The following HECW2 variants were observed in gnomAD, a reference collection of about 807,000 sequenced individuals.
The protein encoded by HECW2 is HECT, C2 and WW domain containing E3 ubiquitin protein ligase 2.
HECW2 carries 61 observed loss-of-function variants against 175.2 expected under a neutral mutation model. The ratio of observed to expected loss-of-function variants is 0.35; its 90% CI spans 0.28 to 0.43. The LOEUF is 0.43. HECW2 is among the 20% of genes least tolerant of loss of function. HECW2 has a pLI of 1.00. For synonymous variants in HECW2, 671 were observed against 731.0 expected (o/e 0.92, Z 1.32); for missense variants, 1,524 against 2,000.5 (o/e 0.76, Z 4.54).
In HECW2 at chr2:196,319,118, C is replaced by T. The variant is rs1427643667; in HGVS notation, c.1772G>A (p.Ser591Asn). Reference protein sequence around the residue: ...DTGTSDASGGSRRAVSETESL... With the variant: ...DTGTSDASGGNRRAVSETESL... Reference sequence around the variant, plus strand: ...CTCGGTCTCACTGACGGCTCTTCGGCTTCCTCCTGATGCATCGGAAGTCCC... The same window carrying T: ...CTCGGTCTCACTGACGGCTCTTCGGTTTCCTCCTGATGCATCGGAAGTCCC... Residue 591 changes from serine to asparagine, a missense_variant, in exon 9 of 29, where the codon AGC becomes AAC. By Grantham distance (46) the Ser-to-Asn change is conservative. Around this residue, in one of 11 missense-constraint regions of HECW2, gnomAD observed 604 missense variants for 588.3 expected, o/e 1.03. Transcript: ENST00000644978. The T allele has an allele frequency of 5.6e-6, 9 of 1,593,726 alleles. No individual in the cohort carries two copies. The highest frequency in any genetic ancestry group is 7.7e-6 in the Non-Finnish European group (9 of 1,170,074).
chr2:196,278,416 A>AC (rs1690058983), intron 15 of HECW2, 112 bp downstream of exon 15: 1 of 247,702 alleles, frequency 4.0e-6, no homozygotes, highest in Admixed American at 6.7e-5. Flanking sequence ...AATCAAACTC[A>AC]AAAAAAAAAA....
intron 15 of HECW2, among the ~76,000 whole-genome samples, chr2:196,275,525 G>A (rs1433418312): frequency 4.6e-5 from 7 of 152,114 alleles, no homozygotes; most frequent in Non-Finnish European, 1.0e-4. Context: ...TGGCCAAGGC[G>A]GGCGGATTAC....
chr2:196,480,381 G>A (rs1259047478), intron 1 of HECW2, among the ~76,000 whole-genome samples: 1 of 152,180 alleles, frequency 6.6e-6, no homozygotes, highest in Non-Finnish European at 1.5e-5. Context: ...GAGACAACCT[G>A]ACTTCTATTT....
At chr2:196,270,125 T>C (rs1040840285) in intron 17 of HECW2, among the ~76,000 whole-genome samples, 1 of 152,182 alleles carries the variant, frequency 6.6e-6, no homozygotes, top group Non-Finnish European at 1.5e-5. Flanking sequence ...CCAGTAAAGG[T>C]GACAACTGGA....
chr2:196,439,255 G>A (rs192422544), intron 1 of HECW2, among the ~76,000 whole-genome samples: 17 of 152,266 alleles, frequency 1.1e-4, no homozygotes, highest in Admixed American at 5.2e-4. Flanking sequence ...TTAGTCTAGG[G>A]TAACTATTTA....
chr2:196,372,194 C>A (rs1693926363), intron 2 of HECW2, among the ~76,000 whole-genome samples: 1 of 152,194 alleles, frequency 6.6e-6, no homozygotes, highest in Admixed American at 6.5e-5. Flanking sequence ...TATCAACTAT[C>A]TAATGATTTT....
intron 7 of HECW2, 46 bp downstream of exon 7, chr2:196,322,432 A>C (rs374470729): frequency 6.5e-7 from 1 of 1,547,492 alleles, no homozygotes; most frequent in Admixed American, 2.0e-5. Context: ...ATTTTTTCCT[A>C]TATGAACTAA....
At chr2:196,589,551 C>T (rs1212802177) in intron 1 of HECW2, among the ~76,000 whole-genome samples, 1 of 152,182 alleles carries the variant, frequency 6.6e-6, no homozygotes, top group Non-Finnish European at 1.5e-5. Flanking sequence ...AGACCCAAAC[C>T]AAACACTGGA....
chr2:196,459,587 C>T (rs980268762), intron 1 of HECW2, among the ~76,000 whole-genome samples: 3 of 152,056 alleles, frequency 2.0e-5, no homozygotes, highest in African/African-American at 7.3e-5. Context: ...CCCTCCATAA[C>T]CAACATTAGG....
intron 2 of HECW2, among the ~76,000 whole-genome samples, chr2:196,420,805 G>A (rs1200400400): frequency 6.6e-6 from 1 of 151,786 alleles, no homozygotes; most frequent in Non-Finnish European, 1.5e-5. Context: ...CAGCCATTAT[G>A]TTATGGAGGT....
At chr2:196,477,545 G>C (rs988033944) in intron 1 of HECW2, among the ~76,000 whole-genome samples, 3 of 152,174 alleles carry the variant, frequency 2.0e-5, no homozygotes, top group Non-Finnish European at 4.4e-5. Context: ...ATTTTCAATA[G>C]AGCCATAATT....
chr2:196,560,941 A>G (rs1267847977), intron 1 of HECW2, among the ~76,000 whole-genome samples: 1 of 152,150 alleles, frequency 6.6e-6, no homozygotes, highest in Non-Finnish European at 1.5e-5. Flanking sequence ...TAACTGCCCA[A>G]ATTGTTTGTA....
Position 196,307,185 on chromosome 2 carries a change from A to G in HECW2, c.2634T>C (p.Asn878=). Residue 878 remains asparagine (N), a synonymous_variant, in exon 12 of 29, where the codon AAT becomes AAC. Coordinates refer to ENST00000644978, the MANE Select transcript of HECW2 (RefSeq NM_001348768.2). The part of the protein sequence containing the change: ...RTMTNERPEE[N]TNAIDGAGEE... ...CCCCTGCCCCATCAATAGCATTGGTATTTTCCTCAGGCCTCTCATTGGTCA... is the reference window on the plus strand; with the variant it reads ...CCCCTGCCCCATCAATAGCATTGGTGTTTTCCTCAGGCCTCTCATTGGTCA... The G allele has an allele frequency of 6.2e-7, 1 of 1,613,918 alleles. No individual in the cohort carries two copies.
chr2:196,332,553 T>A (rs188048685), intron 4 of HECW2, among the ~76,000 whole-genome samples: 1 of 152,200 alleles, frequency 6.6e-6, no homozygotes, highest in South Asian at 2.1e-4. Flanking sequence ...CTCCAAACTA[T>A]CCACAGGCTT....
chr2:196,555,843 G>C (rs2125491694), intron 1 of HECW2, among the ~76,000 whole-genome samples: 1 of 152,318 alleles, frequency 6.6e-6, no homozygotes, highest in Non-Finnish European at 1.5e-5. Flanking sequence ...ACAAGGTCTA[G>C]CTTCAAAACT....
At position 196,315,090 on chromosome 2, in the gene HECW2, C is replaced by T. The variant is rs145140993; in HGVS notation, c.2434+2184G>A. On this transcript the variant is annotated intron_variant, in intron 10 of 28. Transcript: ENST00000644978. ...GCTCAGATCACAATCCAAAACCTATCCATGAGAATACACATCCCCAGATTT... is the reference window on the plus strand; with the variant it reads ...GCTCAGATCACAATCCAAAACCTATTCATGAGAATACACATCCCCAGATTT... Among the ~76,000 whole-genome samples, 885 of 151,922 alleles carry T rather than the reference C, an allele frequency of 5.8e-3. 9 individuals are homozygous for T. Among genetic ancestry groups the T allele is most frequent in the Middle Eastern group, 0.02 (6 of 294 alleles).
chr2:196,270,427 T>C (rs1334923770), intron 17 of HECW2, among the ~76,000 whole-genome samples: 4 of 152,218 alleles, frequency 2.6e-5, no homozygotes, highest in African/African-American at 9.6e-5. Context: ...AGAGGGCTCA[T>C]GCAAGGTGAG....
chr2:196,357,237 A>G (rs569244039), intron 2 of HECW2, among the ~76,000 whole-genome samples: 3 of 151,624 alleles, frequency 2.0e-5, no homozygotes, highest in African/African-American at 7.3e-5. Flanking sequence ...CTGTGCAGAC[A>G]GAGCTATAGC....
intron 1 of HECW2, among the ~76,000 whole-genome samples, chr2:196,512,059 G>A (rs913502346): frequency 6.6e-5 from 10 of 152,210 alleles, no homozygotes; most frequent in African/African-American, 2.4e-4. Context: ...TTGCCCACAA[G>A]GCCGAGCAGG....
Sources: gnomAD v4.1 joint callset for allele counts (sites outside exome capture counted in the v4.1 genomes callset) on GRCh38, gnomAD v4.1.1 for gene constraint, gnomAD v4.1.1 regional missense constraint, MANE v1.5 for transcripts, NCBI Gene and HGNC (gene_info 2026-07-23, HGNC 2026-07-21) for gene names.